Variants in DEPDC5 observed in about 807,000 individuals in gnomAD.
DEPDC5 encodes the protein DEP domain containing 5, GATOR1 subcomplex subunit.
In DEPDC5, 73 loss-of-function variants were observed where a neutral mutation model predicts 217.3. That is an observed-to-expected ratio of 0.34 (90% CI 0.28 to 0.41). The LOEUF is 0.41. DEPDC5 is among the 10% of genes least tolerant of loss of function. The pLI is 1.00. For missense variants in DEPDC5, 1,675 were observed against 2,070.1 expected, an observed-to-expected ratio of 0.81 and a Z score of 3.70; for synonymous variants, 733 against 756.7, an observed-to-expected ratio of 0.97 and a Z score of 0.51.
chr22:31,838,583 G>A (rs2091193922), intron 26 of DEPDC5, 102 bp from the exon 27 acceptor site: 2 of 1,464,880 alleles, frequency 1.4e-6, no homozygotes, highest in Non-Finnish European at 1.9e-6. Flanking sequence ...ACCATAGAAT[G>A]GTTATAAGGG....
At chr22:31,875,430 A>ACCTTATATTC (rs2092962186) in intron 36 of DEPDC5, 3 of 152,428 alleles carry the variant, frequency 2.0e-5, no homozygotes, top group African/African-American at 7.2e-5. Context: ...CCGAAAGAAT[A>ACCTTATATTC]CCTTATATTC....
intron 27 of DEPDC5, among the ~76,000 whole-genome samples, chr22:31,842,303 C>T (rs116522200): frequency 0.015 from 2,211 of 152,254 alleles, 51 homozygotes; most frequent in African/African-American, 0.051. Context: ...AGGCTGAGCA[C>T]GGTGGCTCAC....
chr22:31,862,032 A>G (rs965874183), intron 33 of DEPDC5, among the ~76,000 whole-genome samples: 3 of 152,022 alleles, frequency 2.0e-5, no homozygotes, highest in Non-Finnish European at 4.4e-5. Flanking sequence ...TGAGGTCAGG[A>G]GTTCAGTTTG....
In DEPDC5 at chr22:31,871,124, GGCCAAAC is replaced by G. The variant is rs2092830534; in HGVS notation, c.3485+381_3485+387del. 4.4e-4 allele frequency among the ~76,000 whole-genome samples: 67 copies of G among 152,188 alleles called. 1 individual carries two copies. The highest frequency in any genetic ancestry group is 4.4e-3 in the Admixed American group (67 of 15,270). On this transcript the variant is annotated intron_variant, in intron 34 of 42. Coordinates refer to ENST00000651528, the MANE Select transcript of DEPDC5 (RefSeq NM_001242896.3). ...AAACAGTGGATGAATCACTAATTGT[GGCCAAAC>G]ATGACTGTTCTTCTTCTATTCCTTA...
intron 10 of DEPDC5, 137 bp downstream of exon 10, chr22:31,785,012 A>G (rs745829304): frequency 1.8e-4 from 116 of 642,272 alleles, no homozygotes; most frequent in Non-Finnish European, 2.8e-4. Context: ...AAATTACCCT[A>G]ATAATCTCAA....
intron 24 of DEPDC5, among the ~76,000 whole-genome samples, chr22:31,829,302 C>T (rs1026867846): frequency 2.6e-5 from 4 of 152,218 alleles, no homozygotes; most frequent in Admixed American, 6.5e-5. Flanking sequence ...GAGGCCAAGG[C>T]GGGTGGATCA....
chr22:31,763,969 G>A (rs568306082), intron 4 of DEPDC5, among the ~76,000 whole-genome samples: 14 of 152,060 alleles, frequency 9.2e-5, no homozygotes, highest in African/African-American at 2.4e-4. Flanking sequence ...TCCCTCTGTC[G>A]CCCAGGCTGG....
chr22:31,824,818 A>T (rs117217365), intron 24 of DEPDC5, among the ~76,000 whole-genome samples: 5,112 of 151,984 alleles, frequency 0.034, 109 homozygotes, highest in South Asian at 0.062. Flanking sequence ...AATACAAAAA[A>T]AAAATAAAAT....
intron 33 of DEPDC5, among the ~76,000 whole-genome samples, chr22:31,867,796 G>C (rs887968901): frequency 6.6e-6 from 1 of 152,138 alleles, no homozygotes; most frequent in Admixed American, 6.5e-5. Context: ...CCCTACCCCG[G>C]CTCCCACCAA....
chr22:31,890,882 C>T (rs78826380), intron 38 of DEPDC5: 2,555 of 158,514 alleles, frequency 0.016, 104 homozygotes, highest in Admixed American at 0.079. Context: ...TGCATCACCA[C>T]GCCCGGCTAA....
intron 4 of DEPDC5, among the ~76,000 whole-genome samples, chr22:31,762,592 C>T (rs572416879): frequency 8.5e-5 from 13 of 152,128 alleles, no homozygotes; most frequent in Admixed American, 5.2e-4. Flanking sequence ...GGTAAAACCC[C>T]GTCTCTACTA....
At chr22:31,791,913 A>C (rs1457668478) in intron 10 of DEPDC5, 120 bp from the exon 11 acceptor site, 8 of 480,494 alleles carry the variant, frequency 1.7e-5, no homozygotes, top group Non-Finnish European at 2.4e-5. Flanking sequence ...GTGGCAGAGT[A>C]AGACTCCGTC....
intron 7 of DEPDC5, among the ~76,000 whole-genome samples, chr22:31,772,661 A>C (rs1289964476): frequency 6.6e-6 from 1 of 152,072 alleles, no homozygotes; most frequent in African/African-American, 2.4e-5. Context: ...TGAAAACAGG[A>C]GATAGGCGAG....
At chr22:31,895,808 A>G (rs1319814640) in intron 39 of DEPDC5, among the ~76,000 whole-genome samples, 1 of 151,848 alleles carries the variant, frequency 6.6e-6, no homozygotes, top group Non-Finnish European at 1.5e-5. Context: ...AGCATCTTCA[A>G]GGACCCCTCC....
At chr22:31,849,675 A>G (rs2091921408) in intron 31 of DEPDC5, among the ~76,000 whole-genome samples, 1 of 152,072 alleles carries the variant, frequency 6.6e-6, no homozygotes, top group Admixed American at 6.6e-5. Context: ...CAGTGACTCA[A>G]GAGGCTGAGG....
At chr22:31,777,839 G>A (rs1038110265) in intron 7 of DEPDC5, among the ~76,000 whole-genome samples, 2 of 151,870 alleles carry the variant, frequency 1.3e-5, no homozygotes, top group Admixed American at 6.6e-5. Flanking sequence ...CCTCTGCCTC[G>A]TGACTTCAAG....
intron 30 of DEPDC5, among the ~76,000 whole-genome samples, chr22:31,846,075 A>C (rs1292873694): frequency 6.6e-6 from 1 of 152,086 alleles, no homozygotes. Flanking sequence ...CCTGGACTAA[A>C]GTGCTGGGAT....
At position 31,822,750 on chromosome 22, in the gene DEPDC5, AGAG is replaced by A; in HGVS notation, c.2068_2070del (p.Glu690del). On this transcript the variant is annotated inframe_deletion, in exon 24 of 43. Transcript: ENST00000651528. ...TGTCCTTCTTGAACTTCAGTGGAAC[AGAG>A]GAGCTTTCTGTCGGCCTGCTTAGCA... 2 of 1,614,164 alleles carry A rather than the reference AGAG, an allele frequency of 1.2e-6. No homozygotes were observed. Among genetic ancestry groups the A allele is most frequent in the Non-Finnish European group, 1.7e-6 (2 of 1,180,016 alleles).
chr22:31,796,531 CAT>C (rs758043071), intron 12 of DEPDC5, among the ~76,000 whole-genome samples: 3 of 152,132 alleles, frequency 2.0e-5, no homozygotes, highest in Non-Finnish European at 4.4e-5. Context: ...GGTTTTTAAG[CAT>C]ATCCTTAGTT....
Sources: allele counts gnomAD v4.1 joint callset (sites outside exome capture counted in the v4.1 genomes callset), GRCh38; gene constraint gnomAD v4.1.1; transcripts MANE v1.5; gene names NCBI Gene and HGNC (gene_info 2026-07-23, HGNC 2026-07-21).